IKZF1: variants seen among roughly 807,000 people sequenced by gnomAD.
IKZF1 encodes the protein DNA-binding protein Ikaros.
IKZF1 carries 10 observed loss-of-function variants against 51.7 expected under a neutral mutation model. The observed-to-expected ratio is 0.19, with a 90% confidence interval of 0.12 to 0.33. IKZF1 has a LOEUF of 0.33. Among genes scored for constraint, IKZF1 ranks in the 10% least tolerant of loss-of-function variants. The probability of loss-of-function intolerance (pLI) is 1.00; values close to 1 mark genes in which losing one functional copy is unlikely to be tolerated. For synonymous variants in IKZF1, 280 were observed against 282.3 expected (o/e 0.99, Z 0.08); for missense variants, 484 against 707.5 (o/e 0.68, Z 3.58).
At chr7:50,375,388 T>C (rs1380886971) in intron 3 of IKZF1, among the ~76,000 whole-genome samples, 1 of 152,158 alleles carries the variant, frequency 6.6e-6, no homozygotes, top group East Asian at 1.9e-4. Context: ...AAGAAACATT[T>C]AGTCTTGATT....
chr7:50,400,755 T>A lies in IKZF1; in HGVS notation c.*128T>A, dbSNP rs1485193234. On this transcript the variant is annotated 3_prime_UTR_variant, in exon 8 of 8. Transcript: ENST00000331340. The surrounding 1 kb of genome is among the most constrained non-coding windows in gnomAD (Gnocchi z 5.4). ...ACAATGTTGTGTTTGGATTTGTAAC[T>A]GTTTTTTGTTTTTTGTTTGAGTTGG... 4 of 1,173,038 alleles carry A rather than the reference T, an allele frequency of 3.4e-6. No homozygotes were observed. Among genetic ancestry groups the A allele is most frequent in the Non-Finnish European group, 4.7e-6 (4 of 850,734 alleles). The allele number at this position is 1,173,038 out of a possible 1,614,324, so 72.7% of individuals were successfully genotyped here. A position where few individuals can be genotyped will look rare whatever the true frequency, so the allele number is the denominator to read the frequency against.
At chr7:50,390,398 G>A (rs1584974381) in intron 6 of IKZF1, among the ~76,000 whole-genome samples, 1 of 152,324 alleles carries the variant, frequency 6.6e-6, no homozygotes, top group South Asian at 2.1e-4. Flanking sequence ...AAATCAGGGT[G>A]TGGCCTATAT....
Position 50,400,000 on chromosome 7 carries a change from G to A in IKZF1, c.933G>A (p.Met311Ile). ...KENEMMKSHV[M>I]DQAINNAINY... ...ACGAAATGATGAAGTCCCACGTGAT[G>A]GACCAAGCCATCAACAACGCCATCA... The change falls in exon 8 of 8, where the codon ATG becomes ATA. Residue 311 changes from methionine (M) to isoleucine (I), a missense_variant. Physicochemically the swap from Met to Ile is conservative, Grantham distance 10 (BLOSUM62 1). This residue lies in a region of IKZF1 where 172 missense variants were observed against 192.7 expected (regional missense o/e 0.89). Coordinates refer to ENST00000331340, the MANE Select transcript of IKZF1 (RefSeq NM_006060.6). 6.2e-7 allele frequency: 1 copy of A among 1,613,404 alleles called. No individual in the cohort carries two copies. Among genetic ancestry groups the A allele is most frequent in the Non-Finnish European group, 8.5e-7 (1 of 1,179,770 alleles).
At chr7:50,364,823 ACC>A (rs1806362030) in intron 3 of IKZF1, among the ~76,000 whole-genome samples, 1 of 152,154 alleles carries the variant, frequency 6.6e-6, no homozygotes, top group Non-Finnish European at 1.5e-5. Context: ...TTCAGTCCCT[ACC>A]CTGGATGTGT....
chr7:50,355,102 G>A (rs1562809886), intron 3 of IKZF1, among the ~76,000 whole-genome samples: 1 of 152,160 alleles, frequency 6.6e-6, no homozygotes, highest in Admixed American at 6.5e-5. Flanking sequence ...TCTCTCCCCA[G>A]TGGCCTCAGT....
At chr7:50,312,813 C>T (rs1413715052) in intron 1 of IKZF1, among the ~76,000 whole-genome samples, 1 of 152,180 alleles carries the variant, frequency 6.6e-6, no homozygotes, top group Non-Finnish European at 1.5e-5. Flanking sequence ...GAACAAACCG[C>T]AGGAGGAGTT....
chr7:50,312,506 C>T (rs1010481759), intron 1 of IKZF1, among the ~76,000 whole-genome samples: 35 of 152,216 alleles, frequency 2.3e-4, no homozygotes, highest in African/African-American at 8.2e-4. Flanking sequence ...ACTCCACTTT[C>T]TCTATTTTTA....
chr7:50,372,409 C>A (rs965016167), intron 3 of IKZF1, among the ~76,000 whole-genome samples: 1 of 152,366 alleles, frequency 6.6e-6, no homozygotes, highest in Non-Finnish European at 1.5e-5. Flanking sequence ...CTTCACCAAC[C>A]TTTCCCGTCA....
At chr7:50,396,406 C>T (rs756691023) in intron 7 of IKZF1, among the ~76,000 whole-genome samples, 92 of 152,094 alleles carry the variant, frequency 6.0e-4, no homozygotes, top group Non-Finnish European at 1.0e-3. Flanking sequence ...TCTCCTGAGA[C>T]CCGAAATCTC....
chr7:50,368,723 A>G (rs1470200807), intron 3 of IKZF1: 1 of 255,052 alleles, frequency 3.9e-6, no homozygotes, highest in African/African-American at 2.2e-5. Flanking sequence ...TCAAATGAGT[A>G]CTTTAAAGAA....
At chr7:50,328,092 C>T in intron 3 of IKZF1, 1 of 206,440 alleles carries the variant, frequency 4.8e-6, no homozygotes, top group Non-Finnish European at 9.8e-6. Flanking sequence ...GTGAAAATTA[C>T]ACACTTACGT....
intron 2 of IKZF1, among the ~76,000 whole-genome samples, chr7:50,320,584 T>TC (rs1214445806): frequency 1.3e-5 from 2 of 152,134 alleles, no homozygotes; most frequent in African/African-American, 4.8e-5. Flanking sequence ...TATCTTCCAC[T>TC]CCCCCGACCT....
Position 50,376,129 on chromosome 7 carries a change from C to A in IKZF1, c.161-404C>A, listed in dbSNP as rs912206073. ...ATCCTAGAGAGCTGGATTGTGTGAC[C>A]CAGAACCCACCCTCTAGGGCAAGGT... On this transcript the variant is annotated intron_variant, in intron 3 of 7. Coordinates refer to ENST00000331340, the MANE Select transcript of IKZF1 (RefSeq NM_006060.6). The surrounding 1 kb of genome is among the most constrained non-coding windows in gnomAD (Gnocchi z 4.5). 6.6e-6 allele frequency among the ~76,000 whole-genome samples: 1 copy of A among 152,148 alleles called. No homozygotes were observed. Among genetic ancestry groups the A allele is most frequent in the African/African-American group, 2.4e-5 (1 of 41,420 alleles).
intron 1 of IKZF1, among the ~76,000 whole-genome samples, chr7:50,307,189 A>G (rs1007984381): frequency 6.6e-6 from 1 of 152,222 alleles, no homozygotes; most frequent in African/African-American, 2.4e-5. Context: ...TGAGTGTTGC[A>G]TAATTGTACG....
chr7:50,380,900 C>G (rs2153475303), intron 4 of IKZF1, among the ~76,000 whole-genome samples: 1 of 152,318 alleles, frequency 6.6e-6, no homozygotes, highest in East Asian at 1.9e-4. Flanking sequence ...CGGTTTGTAA[C>G]TCAGACAGTA....
chr7:50,320,606 A>G (rs1443040384), intron 2 of IKZF1, among the ~76,000 whole-genome samples: 1 of 152,138 alleles, frequency 6.6e-6, no homozygotes, highest in Non-Finnish European at 1.5e-5. Context: ...TCCAGCCTCT[A>G]TTAGCCTCTG....
At chr7:50,314,321 A>T (rs1448803152) in intron 1 of IKZF1, among the ~76,000 whole-genome samples, 1 of 152,162 alleles carries the variant, frequency 6.6e-6, no homozygotes, top group Non-Finnish European at 1.5e-5. Context: ...CGTGTTAGCC[A>T]GGATGGTCTT....
chr7:50,332,122 A>T (rs1273113735), intron 3 of IKZF1, among the ~76,000 whole-genome samples: 5 of 152,240 alleles, frequency 3.3e-5, no homozygotes, highest in Non-Finnish European at 7.3e-5. Flanking sequence ...CATGCTAGAG[A>T]AGTAAAAAAA....
chr7:50,330,214 T>C (rs1796146937), intron 3 of IKZF1, among the ~76,000 whole-genome samples: 1 of 152,220 alleles, frequency 6.6e-6, no homozygotes, highest in Admixed American at 6.5e-5. Flanking sequence ...AGTCTACTTT[T>C]CCTTCAGGAT....
Sources: gnomAD v4.1 joint callset for allele counts (sites outside exome capture counted in the v4.1 genomes callset) on GRCh38, gnomAD v4.1.1 for gene constraint, gnomAD v4.1.1 regional missense constraint, Gnocchi (gnomAD v3.1) non-coding constraint, MANE v1.5 for transcripts, NCBI Gene and HGNC (gene_info 2026-07-23, HGNC 2026-07-21) for gene names.